SPG7: variants seen among roughly 807,000 people sequenced by gnomAD.
SPG7 encodes the protein mitochondrial inner membrane m-AAA protease component paraplegin.
A neutral mutation model predicts 81.9 loss-of-function variants in SPG7; 103 were observed. The observed-to-expected ratio is 1.26, with a 90% CI of 1.07 to 1.48. The LOEUF is 1.48. SPG7 is among the 40% of genes most tolerant of loss of function. SPG7 has a pLI of 0.00. For missense variants in SPG7, 1,241 were observed against 1,087.3 expected (o/e 1.14, Z -1.99); for synonymous variants, 534 against 444.2 (o/e 1.20, Z -2.54).
At position 89,508,484 on chromosome 16, in the gene SPG7, T is replaced by C. The variant is rs1419170613; in HGVS notation, c.67T>C (p.Trp23Arg). Reference sequence around the variant, plus strand: ...TCCAGGCCCGGGTCCTCGGCCGCTGTGGGGCCCAGGCCCGGCCTGGAGTCC... The same window carrying C: ...TCCAGGCCCGGGTCCTCGGCCGCTGCGGGGCCCAGGCCCGGCCTGGAGTCC... ...RGPGPGPRPLWGPGPAWSPGF... is the reference protein window; with the variant it reads ...RGPGPGPRPLRGPGPAWSPGF... Residue 23 changes from tryptophan (W) to arginine (R), a missense_variant, in exon 1 of 17, where the codon TGG becomes CGG. Physicochemically the swap from Trp to Arg is moderately radical, Grantham distance 101 (BLOSUM62 -3). Coordinates refer to ENST00000645818, the MANE Select transcript of SPG7 (RefSeq NM_003119.4). 4.6e-6 allele frequency: 7 copies of C among 1,509,244 alleles called. No homozygotes were observed. In the African/African-American group the frequency reaches 1.0e-4, roughly 22 times the overall value. The allele number at this position is 1,509,244 out of a possible 1,614,324, so 93.5% of individuals were successfully genotyped here. A position where few individuals can be genotyped will look rare whatever the true frequency, so the allele number is the denominator to read the frequency against.
chr16:89,532,928 CAA>C, intron 9 of SPG7: 2 of 436,030 alleles, frequency 4.6e-6, no homozygotes, highest in Non-Finnish European at 4.3e-6. Flanking sequence ...TACAAAAATA[CAA>C]AAGTCAGCCG....
intron 13 of SPG7, chr16:89,551,645 T>C (rs1762083002): frequency 6.6e-6 from 1 of 152,112 alleles, no homozygotes; most frequent in African/African-American, 2.4e-5. Context: ...TGCAGGGACT[T>C]TGGGAGGCCA....
At chr16:89,509,676 C>G (rs2057985834) in intron 1 of SPG7, among the ~76,000 whole-genome samples, 1 of 152,154 alleles carries the variant, frequency 6.6e-6, no homozygotes, top group Non-Finnish European at 1.5e-5. Flanking sequence ...GCAGGAGCCC[C>G]GTGTCTGGGC....
intron 5 of SPG7, chr16:89,528,772 A>C (rs1427201958): frequency 6.5e-6 from 1 of 153,340 alleles, no homozygotes; most frequent in Admixed American, 6.5e-5. Flanking sequence ...CATCCAGCTA[A>C]GTTTTTTTGT....
intron 1 of SPG7, among the ~76,000 whole-genome samples, chr16:89,509,854 T>G (rs2057989307): frequency 6.8e-6 from 1 of 147,532 alleles, no homozygotes; most frequent in Non-Finnish European, 1.5e-5. Context: ...AGTGGCCTGA[T>G]CATGGCTCCC....
chr16:89,545,064 T>G, intron 10 of SPG7: 2 of 460,730 alleles, frequency 4.3e-6, no homozygotes, highest in South Asian at 4.1e-5. Flanking sequence ...CTATTGGTTT[T>G]CCTTTTATCC....
intron 5 of SPG7, 175 bp from the exon 6 acceptor site, chr16:89,529,302 G>C: frequency 1.5e-6 from 1 of 650,976 alleles, no homozygotes; most frequent in South Asian, 1.7e-5. Context: ...CACAGTCAGC[G>C]AGAATGAGAC....
chr16:89,555,613 G>C (rs2058679691), intron 16 of SPG7: 1 of 347,572 alleles, frequency 2.9e-6, no homozygotes, highest in African/African-American at 2.1e-5. Flanking sequence ...CTCCTCTGGG[G>C]TGACAGTTCC....
intron 3 of SPG7, chr16:89,519,933 G>A (rs986024038): frequency 2.0e-5 from 3 of 152,236 alleles, no homozygotes; most frequent in African/African-American, 7.2e-5. Flanking sequence ...TGAGTTATGT[G>A]ATCATAATAT....
intron 9 of SPG7, chr16:89,538,997 GGGT>G (rs2058463873): frequency 6.6e-6 from 1 of 152,308 alleles, no homozygotes; most frequent in African/African-American, 2.4e-5. Flanking sequence ...AGGAGCTAAG[GGGT>G]GGGAGCTCAG....
chr16:89,543,207 A>G (rs1027913854), intron 9 of SPG7: 1 of 151,884 alleles, frequency 6.6e-6, no homozygotes, highest in Non-Finnish European at 1.5e-5. Flanking sequence ...TCGGCCTCCC[A>G]AAGTGCTGGG....
intron 16 of SPG7, chr16:89,556,355 C>G: frequency 3.0e-6 from 1 of 330,948 alleles, no homozygotes; most frequent in Non-Finnish European, 5.5e-6. Flanking sequence ...TCACAGAAAC[C>G]AGTGAAATGT....
In SPG7 at chr16:89,530,626, C is replaced by CGT. The variant is rs1489077188; in HGVS notation, c.862-55_862-54dup. On this transcript the variant is annotated intron_variant, in intron 6 of 16. Transcript: ENST00000645818. ...AGGTGCGTGGGCTGAGCGCTGGCAT[C>CGT]GTGCTGCTGATTTCCTGACTTCGCC... 3.1e-6 allele frequency: 5 copies of CGT among 1,611,570 alleles called. No homozygotes were observed. The African/African-American group carries it at 5.3e-5, about 17-fold the overall frequency.
At chr16:89,509,215 G>A (rs1327501093) in intron 1 of SPG7, among the ~76,000 whole-genome samples, 2 of 152,048 alleles carry the variant, frequency 1.3e-5, no homozygotes, top group African/African-American at 2.4e-5. Flanking sequence ...TTTTCTCCTA[G>A]CCCTCGCCTA....
At chr16:89,535,101 G>C (rs2058394572) in intron 9 of SPG7, among the ~76,000 whole-genome samples, 1 of 152,210 alleles carries the variant, frequency 6.6e-6, no homozygotes, top group Non-Finnish European at 1.5e-5. Context: ...CTCTGGAACT[G>C]TGACATGTCC....
Position 89,509,137 on chromosome 16 carries a change from C to A in SPG7, c.183+537C>A, listed in dbSNP as rs542756740. 268 of 371,246 alleles carry A rather than the reference C, an allele frequency of 7.2e-4. 1 individual carries two copies. Among genetic ancestry groups the A allele is most frequent in the East Asian group, 3.0e-3 (40 of 13,548 alleles). The allele number at this position is 371,246 out of a possible 1,614,324, so 23.0% of individuals were successfully genotyped here. On this transcript the variant is annotated intron_variant, in intron 1 of 16. Coordinates refer to ENST00000645818, the MANE Select transcript of SPG7 (RefSeq NM_003119.4). Reference sequence around the variant, plus strand: ...TAGTGCGGCCTTGTTTCAGGTTCTGCTAAGGATAGGATAGCATCTCCTCCC... The same window carrying A: ...TAGTGCGGCCTTGTTTCAGGTTCTGATAAGGATAGGATAGCATCTCCTCCC...
rs1441255894 is a variant in SPG7, at chr16:89,536,018, C to T, written c.1324+3382C>T. On this transcript the variant is annotated intron_variant, in intron 9 of 16. Coordinates refer to ENST00000645818, the MANE Select transcript of SPG7 (RefSeq NM_003119.4). Reference sequence around the variant, plus strand: ...GGCCTTCACTGTGGCCTCTCTGGTGCTGTGTGGCCTTCACTGTGGCCTCTC... The same window carrying T: ...GGCCTTCACTGTGGCCTCTCTGGTGTTGTGTGGCCTTCACTGTGGCCTCTC... 1.7e-4 allele frequency among the ~76,000 whole-genome samples: 25 copies of T among 144,434 alleles called. 1 individual carries two copies. Among genetic ancestry groups the T allele is most frequent in the Admixed American group, 1.7e-3 (24 of 14,482 alleles). 94.8% of individuals were successfully genotyped at this position (144,434 alleles called of 152,430 possible).
intron 12 of SPG7, chr16:89,548,648 T>G: frequency 3.0e-6 from 1 of 328,772 alleles, no homozygotes; most frequent in South Asian, 2.4e-5. Context: ...TGGTGACGGG[T>G]GACCGGTGGG....
Position 89,553,845 on chromosome 16 carries a change from A to G in SPG7, c.1988A>G (p.Lys663Arg). Residue 663 changes from lysine to arginine, a missense_variant, in exon 15 of 17, where the codon AAG becomes AGG. Lys to Arg is a conservative substitution (Grantham distance 26). Coordinates refer to ENST00000645818, the MANE Select transcript of SPG7 (RefSeq NM_003119.4). Reference protein sequence around the residue: ...KVTRIAYSMVKQFGMAPGIGP... With the variant: ...KVTRIAYSMVRQFGMAPGIGP... Reference sequence around the variant, plus strand: ...ACCCGCATCGCCTACTCCATGGTGAAGCAGTTTGGGATGGCACCTGGCATC... The same window carrying G: ...ACCCGCATCGCCTACTCCATGGTGAGGCAGTTTGGGATGGCACCTGGCATC... 6.2e-7 allele frequency: 1 copy of G among 1,613,538 alleles called. No homozygotes were observed. The highest frequency in any genetic ancestry group is 8.5e-7 in the Non-Finnish European group (1 of 1,180,022).
Sources: allele counts gnomAD v4.1 joint callset (sites outside exome capture counted in the v4.1 genomes callset), GRCh38; gene constraint gnomAD v4.1.1; transcripts MANE v1.5; gene names NCBI Gene and HGNC (gene_info 2026-07-23, HGNC 2026-07-21).